PPM1L: variants seen among roughly 807,000 people sequenced by gnomAD.
PPM1L encodes protein phosphatase, Mg2+/Mn2+ dependent 1L.
Under a neutral mutation model 31.4 loss-of-function variants are expected in PPM1L, and 13 were observed. The ratio of observed to expected loss-of-function variants is 0.41; its 90% CI spans 0.27 to 0.66. The LOEUF (loss-of-function observed/expected upper bound fraction) is 0.66, where lower values mean the gene tolerates loss of function less well. Among genes scored for constraint, PPM1L ranks in the 30% least tolerant of loss-of-function variants. The pLI is 0.29. For missense variants in PPM1L, 326 were observed against 453.7 expected (o/e 0.72, Z 2.56); for synonymous variants, 184 against 175.4 (o/e 1.05, Z -0.39).
chr3:160,844,595 C>T (rs553969275), intron 1 of PPM1L, among the ~76,000 whole-genome samples: 87 of 152,212 alleles, frequency 5.7e-4, no homozygotes, highest in African/African-American at 2.0e-3. Flanking sequence ...ATGTCTTCTG[C>T]AGAGGAAAAG....
At chr3:160,890,879 A>T (rs1713114826) in intron 1 of PPM1L, among the ~76,000 whole-genome samples, 1 of 152,220 alleles carries the variant, frequency 6.6e-6, no homozygotes. Context: ...TGGGGAAAGG[A>T]TCTCCTATTC....
rs79450928 is a variant in PPM1L, at chr3:160,825,294, A to G, written c.399+68587A>G. Among the ~76,000 whole-genome samples, 793 of 152,276 alleles carry G rather than the reference A, an allele frequency of 5.2e-3. 14 individuals are homozygous for G. Among genetic ancestry groups the G allele is most frequent in the East Asian group, 0.045 (231 of 5,180 alleles). On this transcript the variant is annotated intron_variant, in intron 1 of 3. Coordinates refer to ENST00000498165, the MANE Select transcript of PPM1L (RefSeq NM_139245.4). ...AGGTGTCAAAAATCTGTCAATAACA[A>G]TATTATTAATAATATTAACAAATTG...
intron 1 of PPM1L, among the ~76,000 whole-genome samples, chr3:160,913,707 C>A (rs981520484): frequency 6.6e-6 from 1 of 152,098 alleles, no homozygotes; most frequent in Non-Finnish European, 1.5e-5. Context: ...TTTTGAGATT[C>A]ATCCATGTCG....
intron 2 of PPM1L, among the ~76,000 whole-genome samples, chr3:160,981,114 A>G (rs2108034558): frequency 1.3e-5 from 2 of 152,274 alleles, no homozygotes; most frequent in Middle Eastern, 6.8e-3. Flanking sequence ...TCAAGTTAAG[A>G]GTATTTGTAT....
intron 2 of PPM1L, among the ~76,000 whole-genome samples, chr3:161,033,581 A>T (rs1389284780): frequency 6.6e-6 from 1 of 152,236 alleles, no homozygotes; most frequent in Non-Finnish European, 1.5e-5. Context: ...GACAAAAACA[A>T]GCAATGGGGA....
At chr3:161,041,322 G>T (rs138479618) in intron 2 of PPM1L, among the ~76,000 whole-genome samples, 251 of 152,256 alleles carry the variant, frequency 1.6e-3, no homozygotes, top group African/African-American at 5.8e-3. Context: ...TTTGATTGAT[G>T]TCTCATGCCT....
At chr3:160,949,562 A>G (rs1370402563) in intron 1 of PPM1L, among the ~76,000 whole-genome samples, 1 of 152,084 alleles carries the variant, frequency 6.6e-6, no homozygotes, top group African/African-American at 2.4e-5. Flanking sequence ...GGTCCCTTTT[A>G]TCTTTCTTTG....
Position 161,069,123 on chromosome 3 carries a change from A to G in PPM1L, c.1049A>G (p.Lys350Arg). The change falls in exon 4 of 4, where the codon AAG becomes AGG. Residue 350 changes from lysine (K) to arginine (R), a missense_variant. Physicochemically the swap from Lys to Arg is conservative, Grantham distance 26. Transcript: ENST00000498165. ...GACAATATAACAGTCATGGTGGTGA[A>G]GTTCAGAAATAGCAGCAAAACAGAA... is the stretch of plus-strand genomic sequence containing the variant. ...CPDNITVMVV[K>R]FRNSSKTEEQ 6.2e-7 allele frequency: 1 copy of G among 1,614,050 alleles called. No individual in the cohort carries two copies. The highest frequency in any genetic ancestry group is 2.2e-5 in the East Asian group (1 of 44,880).
At chr3:160,781,094 A>G (rs1234765323) in intron 1 of PPM1L, among the ~76,000 whole-genome samples, 2 of 152,144 alleles carry the variant, frequency 1.3e-5, no homozygotes, top group African/African-American at 2.4e-5. Context: ...ATACGTTGCT[A>G]TTCTCTAACT....
intron 1 of PPM1L, among the ~76,000 whole-genome samples, chr3:160,843,642 G>C (rs1260765062): frequency 2.0e-5 from 3 of 151,308 alleles, no homozygotes; most frequent in African/African-American, 7.3e-5. Flanking sequence ...ACAGGCCCCG[G>C]TGTGTGATGT....
At chr3:160,811,684 T>C (rs1712810030) in intron 1 of PPM1L, among the ~76,000 whole-genome samples, 1 of 152,180 alleles carries the variant, frequency 6.6e-6, no homozygotes, top group African/African-American at 2.4e-5. Flanking sequence ...GAGAGCTAGA[T>C]AGATATGGTT....
intron 2 of PPM1L, among the ~76,000 whole-genome samples, chr3:161,034,766 G>GGGT (rs1718692486): frequency 6.6e-6 from 1 of 151,882 alleles, no homozygotes; most frequent in Admixed American, 6.6e-5. Context: ...ACGGGTTGAT[G>GGGT]GGTGCAGCAA....
intron 1 of PPM1L, among the ~76,000 whole-genome samples, chr3:160,862,936 AAAATC>A (rs1711956942): frequency 6.6e-6 from 1 of 152,176 alleles, no homozygotes; most frequent in Non-Finnish European, 1.5e-5. Context: ...AGAAAAATAA[AAAATC>A]AAACTGCCAT....
intron 1 of PPM1L, among the ~76,000 whole-genome samples, chr3:160,833,588 ATG>A (rs548413897): frequency 5.9e-4 from 90 of 152,012 alleles, no homozygotes; most frequent in African/African-American, 2.1e-3. Context: ...CTTTTGAGAA[ATG>A]TCTGTTCATG....
intron 2 of PPM1L, among the ~76,000 whole-genome samples, chr3:161,002,837 GT>G (rs1717546900): frequency 7.3e-6 from 1 of 136,504 alleles, no homozygotes; most frequent in Non-Finnish European, 1.6e-5. Context: ...AAGCTCTTTA[GT>G]TTAATTAGAT....
At chr3:160,942,551 T>C (rs1441175382) in intron 1 of PPM1L, among the ~76,000 whole-genome samples, 2 of 152,242 alleles carry the variant, frequency 1.3e-5, no homozygotes, top group African/African-American at 2.4e-5. Context: ...TTTAAATTTT[T>C]CCATGACACT....
Position 161,071,430 on chromosome 3 carries a change from G to A in PPM1L, c.*2273G>A, listed in dbSNP as rs1719915456. On this transcript the variant is annotated 3_prime_UTR_variant, in exon 4 of 4. Transcript: ENST00000498165. ...TAAATTAGTAAATCAGTGGTTACGTGCCCTGCAGAATTTCTTAACAGATGG... is the reference window on the plus strand; with the variant it reads ...TAAATTAGTAAATCAGTGGTTACGTACCCTGCAGAATTTCTTAACAGATGG... 1.3e-5 allele frequency: 2 copies of A among 152,220 alleles called. 1 individual carries two copies. Among genetic ancestry groups the A allele is most frequent in the African/African-American group, 4.8e-5 (2 of 41,464 alleles). The allele number at this position is 152,220 out of a possible 1,614,324, so 9.4% of individuals were successfully genotyped here. A position where few individuals can be genotyped will look rare whatever the true frequency, so the allele number is the denominator to read the frequency against.
At chr3:160,810,798 C>T (rs56331465) in intron 1 of PPM1L, among the ~76,000 whole-genome samples, 13,944 of 152,158 alleles carry the variant, frequency 0.092, 975 homozygotes, top group African/African-American at 0.19. Flanking sequence ...TTAAAATGCT[C>T]CTCATTATGC....
At chr3:160,789,347 T>A (rs1355183906) in intron 1 of PPM1L, among the ~76,000 whole-genome samples, 1 of 152,010 alleles carries the variant, frequency 6.6e-6, no homozygotes, top group East Asian at 1.9e-4. Context: ...CCAATGATCC[T>A]GATAGATTTT....
Sources: allele counts gnomAD v4.1 joint callset (sites outside exome capture counted in the v4.1 genomes callset), GRCh38; gene constraint gnomAD v4.1.1; transcripts MANE v1.5; gene names NCBI Gene and HGNC (gene_info 2026-07-23, HGNC 2026-07-21).